The following DMD variants were observed in gnomAD, a reference collection of about 807,000 sequenced individuals.
DMD encodes the protein mutant dystrophin.
A neutral mutation model predicts 330.1 loss-of-function variants in DMD; 63 were observed. The ratio of observed to expected loss-of-function variants is 0.19; its 90% CI spans 0.16 to 0.24. The LOEUF (loss-of-function observed/expected upper bound fraction) is 0.24, where lower values mean the gene tolerates loss of function less well. Among genes scored for constraint, DMD ranks in the 10% least tolerant of loss-of-function variants. The pLI, the probability that DMD is intolerant of heterozygous loss-of-function variation, is 1.00. For missense variants in DMD, 3,344 were observed against 2,684.1 expected, an observed-to-expected ratio of 1.25 and a Z score of -5.43; for synonymous variants, 1,223 against 959.8, an observed-to-expected ratio of 1.27 and a Z score of -5.07.
intron 44 of DMD, among the ~76,000 whole-genome samples, chrX:32,163,818 T>C (rs771053326): frequency 9.8e-5 from 11 of 111,918 alleles, no homozygotes; most frequent in East Asian, 8.5e-4. Flanking sequence ...ATGTAAGATG[T>C]AACCATTAGC....
chrX:32,771,055 C>A, intron 7 of DMD, among the ~76,000 whole-genome samples: 1 of 111,655 alleles, frequency 9.0e-6, no homozygotes, highest in African/African-American at 3.3e-5. Flanking sequence ...TGAGGCAGGA[C>A]CTCTCTGGCA....
intron 60 of DMD, among the ~76,000 whole-genome samples, chrX:31,397,623 A>C (rs962556920): frequency 2.7e-5 from 3 of 112,545 alleles, no homozygotes; most frequent in Non-Finnish European, 5.6e-5. Flanking sequence ...GGCAAAATGC[A>C]AATGTGTTTC....
chrX:32,407,405 G>A (rs939709247), intron 30 of DMD, among the ~76,000 whole-genome samples: 2 of 111,808 alleles, frequency 1.8e-5, no homozygotes, highest in African/African-American at 6.5e-5. Context: ...TCAGAGAAAT[G>A]CAAATCAAAA....
chrX:31,613,134 T>C (rs1316530551), intron 55 of DMD, among the ~76,000 whole-genome samples: 1 of 112,234 alleles, frequency 8.9e-6, no homozygotes, highest in Non-Finnish European at 1.9e-5. Context: ...AAACTTTGTA[T>C]GGCAGCTTTA....
At chrX:31,677,632 T>A (rs1477196502) in intron 53 of DMD, among the ~76,000 whole-genome samples, 2 of 112,371 alleles carry the variant, frequency 1.8e-5, no homozygotes, top group African/African-American at 6.5e-5. Flanking sequence ...CTAATTCATC[T>A]ATGCTCATCC....
At chrX:31,210,861 T>C (rs900405222) in intron 64 of DMD, among the ~76,000 whole-genome samples, 1 of 112,618 alleles carries the variant, frequency 8.9e-6, no homozygotes, top group Non-Finnish European at 1.9e-5. Context: ...TTAATACCTA[T>C]GTAGGTTTGT....
rs369984218 is a variant in DMD, at chrX:31,381,625, A to T, written c.9085-32991T>A. 4.5e-4 allele frequency among the ~76,000 whole-genome samples: 50 copies of T among 110,968 alleles called. No homozygotes were observed. In the East Asian group the frequency reaches 0.011, roughly 25 times the overall value. On this transcript the variant is annotated intron_variant, in intron 60 of 78. Coordinates refer to ENST00000357033, the MANE Select transcript of DMD (RefSeq NM_004006.3). ...CCCATGACTGTATCTCTGATCCACC[A>T]GACATTCAACCCCATTTCCCCATAT... is the stretch of plus-strand genomic sequence containing the variant.
Position 32,513,678 on chromosome X carries a change from A to T in DMD, c.2292+4330T>A, listed in dbSNP as rs143804102. On this transcript the variant is annotated intron_variant, in intron 18 of 78. Transcript: ENST00000357033. ...TAATGAGATTTAAGATATCAGGCAA[A>T]CATCAATTAAAATTGTCTATTAGGC... Among the ~76,000 whole-genome samples, 815 of 111,860 alleles carry T rather than the reference A, an allele frequency of 7.3e-3. 4 individuals are homozygous for T. The highest frequency in any genetic ancestry group is 0.025 in the African/African-American group (767 of 30,788).
intron 41 of DMD, among the ~76,000 whole-genome samples, chrX:32,335,062 G>A (rs1383523346): frequency 1.8e-5 from 2 of 111,045 alleles, no homozygotes; most frequent in Admixed American, 1.9e-4. Flanking sequence ...ACTTGAGAGG[G>A]TCATTACTGT....
chrX:32,411,076 G>A (rs933511686), intron 30 of DMD, among the ~76,000 whole-genome samples: 2 of 111,709 alleles, frequency 1.8e-5, no homozygotes, highest in Non-Finnish European at 3.8e-5. Context: ...GTGACTAAAC[G>A]AGGAGTTTAT....
intron 1 of DMD, among the ~76,000 whole-genome samples, chrX:33,307,995 C>T (rs182481296): frequency 1.8e-5 from 2 of 111,737 alleles, no homozygotes; most frequent in Non-Finnish European, 1.9e-5. Flanking sequence ...TTGAGTACCA[C>T]GTAATGTTCA....
chrX:31,735,502 CAT>C (rs1376003321), intron 51 of DMD, among the ~76,000 whole-genome samples: 1 of 111,787 alleles, frequency 8.9e-6, no homozygotes, highest in Non-Finnish European at 1.9e-5. Flanking sequence ...TAATTAGTAA[CAT>C]AGGTTTCTTC....
At chrX:33,123,584 AT>A (rs914561757) in intron 1 of DMD, among the ~76,000 whole-genome samples, 1 of 109,461 alleles carries the variant, frequency 9.1e-6, no homozygotes, top group Non-Finnish European at 1.9e-5. Flanking sequence ...AACCTGGCTA[AT>A]TTTTGTATTT....
chrX:32,159,309 C>T (rs1471350396), intron 44 of DMD, among the ~76,000 whole-genome samples: 3 of 112,055 alleles, frequency 2.7e-5, no homozygotes, highest in Non-Finnish European at 3.8e-5. Context: ...GGGAATCAAA[C>T]GTATGTTACA....
chrX:33,262,726 T>G (rs533141977), intron 1 of DMD, among the ~76,000 whole-genome samples: 1 of 111,012 alleles, frequency 9.0e-6, no homozygotes, highest in East Asian at 2.8e-4. Context: ...GTAGGACAGT[T>G]ATTTACTCTA....
chrX:32,394,921 A>AAAAAAACC (rs1557326846), intron 30 of DMD, among the ~76,000 whole-genome samples: 1 of 63,725 alleles, frequency 1.6e-5, no homozygotes, highest in Non-Finnish European at 3.0e-5. Context: ...AAAAACAAAA[A>AAAAAAACC]AAAAAAAAAA....
chrX:32,147,765 C>T (rs1189533598), intron 44 of DMD, among the ~76,000 whole-genome samples: 1 of 109,897 alleles, frequency 9.1e-6, no homozygotes, highest in Non-Finnish European at 1.9e-5. Context: ...TTCTAGTATG[C>T]TTAGGTTTTC....
chrX:32,250,847 A>T (rs1453246099), intron 43 of DMD, among the ~76,000 whole-genome samples: 2 of 111,686 alleles, frequency 1.8e-5, no homozygotes, highest in Non-Finnish European at 3.8e-5. Context: ...CACTAAATGC[A>T]TTAAAAGTAC....
At chrX:32,277,332 G>A (rs1402434206) in intron 43 of DMD, among the ~76,000 whole-genome samples, 1 of 111,137 alleles carries the variant, frequency 9.0e-6, no homozygotes, top group Non-Finnish European at 1.9e-5. Flanking sequence ...AATATTATTC[G>A]AGCTCAGGAG....
Sources: gnomAD v4.1 joint callset for allele counts (sites outside exome capture counted in the v4.1 genomes callset) on GRCh38, gnomAD v4.1.1 for gene constraint, MANE v1.5 for transcripts, NCBI Gene and HGNC (gene_info 2026-07-23, HGNC 2026-07-21) for gene names.